Variants in SH3PXD2B observed in about 807,000 individuals in gnomAD.
The protein encoded by SH3PXD2B is SH3 and PX domain-containing protein 2B.
In SH3PXD2B, 37 loss-of-function variants were observed where a neutral mutation model predicts 73.1. The observed-to-expected ratio is 0.51, with a 90% CI of 0.39 to 0.67. SH3PXD2B has a LOEUF of 0.67. Ranked by LOEUF, SH3PXD2B falls within the 30% of genes least tolerant of loss-of-function variation. The pLI is 0.00. For synonymous variants in SH3PXD2B, 457 were observed against 480.5 expected, an observed-to-expected ratio of 0.95 and a Z score of 0.64; for missense variants, 1,053 against 1,197.8, an observed-to-expected ratio of 0.88 and a Z score of 1.78.
chr5:172,353,261 C>T lies in SH3PXD2B; in HGVS notation c.785+627G>A, dbSNP rs1217443333. ...CACTAGATTGCAGGGACCTCGGCTT[C>T]CTCTCTTGCCCTAATTTCCCATGGT... is the stretch of plus-strand genomic sequence containing the variant. On this transcript the variant is annotated intron_variant, in intron 9 of 12. Transcript: ENST00000311601. This position sits in a 1 kb window ranked among gnomAD's most constrained non-coding sequence, Gnocchi z 4.3. Among the ~76,000 whole-genome samples, 1 of 152,220 alleles carries T rather than the reference C, an allele frequency of 6.6e-6. No homozygotes were observed. The highest frequency in any genetic ancestry group is 1.5e-5 in the Non-Finnish European group (1 of 68,050).
chr5:172,329,059 GTATA>G (rs1211712213), downstream of SH3PXD2B, among the ~76,000 whole-genome samples: 116 of 96,794 alleles, frequency 1.2e-3, 2 homozygotes, highest in Middle Eastern at 0.013. Flanking sequence ...GTGTGTGTGT[GTATA>G]TATATATATA....
At position 172,337,662 on chromosome 5, in the gene SH3PXD2B, G is replaced by A. The variant is rs7705886; in HGVS notation, c.*707C>T. The stretch of plus-strand genomic sequence containing the variant: ...GGACCGGAGCCTGCAGCAGCAAAGC[G>A]CAGCATACGCGGGGCTGGAACCACC... On this transcript the variant is annotated 3_prime_UTR_variant, in exon 13 of 13. Transcript: ENST00000311601. The A allele has an allele frequency of 1.5e-4, 146 of 986,922 alleles. 1 individual carries two copies. In the African/African-American group the frequency reaches 2.3e-3, roughly 16 times the overall value. 61.1% of individuals were successfully genotyped at this position (986,922 alleles called of 1,614,324 possible). A position where few individuals can be genotyped will look rare whatever the true frequency, so the allele number is the denominator to read the frequency against.
rs367799974 is a variant in SH3PXD2B, at chr5:172,439,692, G to GCACACACA, written c.75+14578_75+14585dup. On this transcript the variant is annotated intron_variant, in intron 1 of 12. Transcript: ENST00000311601. The stretch of plus-strand genomic sequence containing the variant: ...TGTGCGTGCGTGCGCGCACGCGCGC[G>GCACACACA]CACACACACACACACACACACACAC... Among the ~76,000 whole-genome samples, 817 of 138,512 alleles carry GCACACACA rather than the reference G, an allele frequency of 5.9e-3. 10 individuals carry two copies. The highest frequency in any genetic ancestry group is 0.014 in the Middle Eastern group (4 of 278). The allele number at this position is 138,512 out of a possible 152,430, so 90.9% of individuals were successfully genotyped here.
At position 172,338,800 on chromosome 5, in the gene SH3PXD2B, A is replaced by G; in HGVS notation, c.2305T>C (p.Ser769Pro). The change falls in exon 13 of 13, where the codon TCT becomes CCT. Residue 769 changes from serine (S) to proline (P), a missense_variant. Ser to Pro is a moderately conservative substitution (Grantham distance 74). Around this residue, in one of 2 missense-constraint regions of SH3PXD2B, gnomAD observed 587 missense variants for 590.7 expected, o/e 0.99. Transcript: ENST00000311601. This position sits in a 1 kb window ranked among gnomAD's most constrained non-coding sequence, Gnocchi z 5.1. ...TCTGGGAGCGGCCTGGATGACGAAGAGGTTTTCTTTGGGGGAGGTGGTCTG... is the reference window on the plus strand; with the variant it reads ...TCTGGGAGCGGCCTGGATGACGAAGGGGTTTTCTTTGGGGGAGGTGGTCTG... ...PRRPPPPKKT[S>P]SSSRPLPEVR... The G allele has an allele frequency of 6.2e-7, 1 of 1,613,954 alleles. No homozygotes were observed. Among genetic ancestry groups the G allele is most frequent in the African/African-American group, 1.3e-5 (1 of 74,986 alleles).
chr5:172,334,753 TAA>T lies in SH3PXD2B; in HGVS notation c.*3614_*3615del. ...TGCTGGGTACTTGGGAGAGGCGAAA[TAA>T]ATACCAGACTGTCCACTCCTCAGCC... On this transcript the variant is annotated 3_prime_UTR_variant, in exon 13 of 13. Coordinates refer to ENST00000311601, the MANE Select transcript of SH3PXD2B (RefSeq NM_001017995.3). 1 of 985,338 alleles carries T rather than the reference TAA, an allele frequency of 1.0e-6. No homozygotes were observed. Among genetic ancestry groups the T allele is most frequent in the Non-Finnish European group, 1.2e-6 (1 of 829,926 alleles). 61.0% of individuals were successfully genotyped at this position (985,338 alleles called of 1,614,324 possible).
chr5:172,328,118 ATT>A (rs145836169), intron 12 of SH3PXD2B, among the ~76,000 whole-genome samples: 3 of 140,068 alleles, frequency 2.1e-5, no homozygotes, highest in Non-Finnish European at 1.5e-5. Context: ...TAGTAGGCTG[ATT>A]TTTTTTTTTT....
Position 172,445,498 on chromosome 5 carries a change from C to G in SH3PXD2B, c.75+8780G>C, listed in dbSNP as rs1269487315. On this transcript the variant is annotated intron_variant, in intron 1 of 12. Transcript: ENST00000311601. The surrounding 1 kb of genome is among the most constrained non-coding windows in gnomAD (Gnocchi z 5.2). The stretch of plus-strand genomic sequence containing the variant: ...ATGCTGGGATTACAGGCGTGAACTC[C>G]CATGCCCAGCCCTTATAATGAAGGC... Among the ~76,000 whole-genome samples the G allele has an allele frequency of 6.6e-6, 1 of 152,196 alleles. No individual in the cohort carries two copies.
chr5:172,328,752 T>C (rs937271146), downstream of SH3PXD2B, among the ~76,000 whole-genome samples: 1 of 151,940 alleles, frequency 6.6e-6, no homozygotes, highest in Non-Finnish European at 1.5e-5. Context: ...CAGTGGAATA[T>C]GCGTCCCTGG....
chr5:172,359,262 T>C (rs1455020390), intron 7 of SH3PXD2B, among the ~76,000 whole-genome samples: 5 of 151,596 alleles, frequency 3.3e-5, no homozygotes, highest in African/African-American at 7.3e-5. Flanking sequence ...TGGTGCATGC[T>C]TGTAGTCCCA....
intron 5 of SH3PXD2B, among the ~76,000 whole-genome samples, chr5:172,376,328 C>T (rs1757820698): frequency 2.6e-5 from 4 of 152,262 alleles, no homozygotes; most frequent in Middle Eastern, 3.4e-3. Flanking sequence ...CATGCCTGGC[C>T]TATCTATCTT....
intron 3 of SH3PXD2B, among the ~76,000 whole-genome samples, chr5:172,398,132 A>G (rs1321999266): frequency 3.9e-5 from 6 of 152,250 alleles, no homozygotes; most frequent in Non-Finnish European, 7.3e-5. Context: ...GTAAAAAAGA[A>G]ATCAGGCAAG....
intron 12 of SH3PXD2B, among the ~76,000 whole-genome samples, chr5:172,327,956 T>C (rs1581251626): frequency 6.6e-6 from 1 of 152,036 alleles, no homozygotes; most frequent in Non-Finnish European, 1.5e-5. Flanking sequence ...GGTTTCACCA[T>C]GTTGGCCAGG....
At chr5:172,435,554 G>A (rs1235817547) in intron 1 of SH3PXD2B, among the ~76,000 whole-genome samples, 6 of 151,872 alleles carry the variant, frequency 4.0e-5, no homozygotes. Context: ...TCCTGAGTAG[G>A]TGGAATTACA....
intron 1 of SH3PXD2B, among the ~76,000 whole-genome samples, chr5:172,430,613 C>CT (rs1225290979): frequency 6.6e-6 from 1 of 152,202 alleles, no homozygotes; most frequent in Non-Finnish European, 1.5e-5. Context: ...TCCTCCTCCA[C>CT]TTATGGTTGA....
intron 1 of SH3PXD2B, among the ~76,000 whole-genome samples, chr5:172,453,909 T>G (rs1004831429): frequency 3.9e-5 from 6 of 152,110 alleles, no homozygotes; most frequent in Admixed American, 6.5e-5. Context: ...GAACAGGCAC[T>G]TCTGTCTCTC....
chr5:172,430,826 G>A (rs771371297), intron 1 of SH3PXD2B, among the ~76,000 whole-genome samples: 1 of 151,866 alleles, frequency 6.6e-6, no homozygotes, highest in Non-Finnish European at 1.5e-5. Context: ...CCAAACCCCT[G>A]GCCAACGCCC....
chr5:172,373,638 A>ACCCCT (rs1462042563), intron 6 of SH3PXD2B, 152 bp downstream of exon 6: 9 of 815,510 alleles, frequency 1.1e-5, no homozygotes, highest in Non-Finnish European at 1.8e-5. Flanking sequence ...CAGTTCAGCC[A>ACCCCT]CCCCTCCTTC....
chr5:172,417,379 T>G (rs1758850066), intron 2 of SH3PXD2B, among the ~76,000 whole-genome samples: 1 of 152,204 alleles, frequency 6.6e-6, no homozygotes, highest in African/African-American at 2.4e-5. Flanking sequence ...GGACATCAAC[T>G]GGCCTGGACA....
intron 2 of SH3PXD2B, among the ~76,000 whole-genome samples, chr5:172,411,322 C>A (rs535671529): frequency 1.3e-5 from 2 of 152,256 alleles, no homozygotes; most frequent in East Asian, 1.9e-4. Flanking sequence ...TGAGTCCCTG[C>A]CACTGCTGTG....
Sources: allele counts gnomAD v4.1 joint callset (sites outside exome capture counted in the v4.1 genomes callset), GRCh38; gene constraint gnomAD v4.1.1; regional missense constraint gnomAD v4.1.1; non-coding constraint Gnocchi (gnomAD v3.1); transcripts MANE v1.5; gene names NCBI Gene and HGNC (gene_info 2026-07-23, HGNC 2026-07-21).